CENPV: variants seen among roughly 807,000 people sequenced by gnomAD.
The protein encoded by CENPV is nuclear protein p30.
In CENPV, 15 loss-of-function variants were observed where a neutral mutation model predicts 26.4. The observed-to-expected ratio is 0.57, with a 90% CI of 0.38 to 0.88. CENPV has a LOEUF of 0.88. CENPV is among the 40% of genes least tolerant of loss of function. The pLI is 0.00. For synonymous variants in CENPV, 172 were observed against 165.5 expected (o/e 1.04, Z -0.30); for missense variants, 336 against 376.5 (o/e 0.89, Z 0.89).
rs192989444 is a variant in CENPV, at chr17:16,344,232, C to G, written c.694+365G>C. 37 of 161,616 alleles carry G rather than the reference C, an allele frequency of 2.3e-4. 1 individual carries two copies. The East Asian group carries it at 6.0e-3, about 26-fold the overall frequency. 10.0% of individuals were successfully genotyped at this position (161,616 alleles called of 1,614,324 possible). A position where few individuals can be genotyped will look rare whatever the true frequency, so the allele number is the denominator to read the frequency against. ...ATCTTGCCTCCTTCACTCCCTTAAC[C>G]CCTGTCATTATTAAAGCTGCCTCCC... On this transcript the variant is annotated intron_variant, in intron 4 of 4. Coordinates refer to ENST00000299736, the MANE Select transcript of CENPV (RefSeq NM_181716.3).
chr17:16,350,133 T>C, intron 1 of CENPV, 104 bp from the exon 2 acceptor site: 3 of 1,389,852 alleles, frequency 2.2e-6, no homozygotes, highest in African/African-American at 2.9e-5. Flanking sequence ...AAGTCTTTTC[T>C]ACATGACAAC....
Position 16,353,038 on chromosome 17 carries a change from C to T in CENPV, c.399G>A (p.Leu133=), listed in dbSNP as rs760385714. 1 of 1,576,256 alleles carries T rather than the reference C, an allele frequency of 6.3e-7. No homozygotes were observed. Among genetic ancestry groups the T allele is most frequent in the African/African-American group, 1.4e-5 (1 of 71,176 alleles). The change falls in exon 1 of 5, where the codon CTG becomes CTA. Residue 133 remains leucine (L), a synonymous_variant. Transcript: ENST00000299736. ...KLTSEGAAKL[L]LDTFEYQGLV... is the part of the protein sequence containing the mutation. ...CCCGCCGCACTCACAAGGTGTCTAG[C>T]AGGAGCTTGGCGGCACCCTCGGAGG... is the stretch of plus-strand genomic sequence containing the variant.
rs1354618092 is a variant in CENPV, at chr17:16,342,555, TA to T, written c.*261del. 45 of 550,938 alleles carry T rather than the reference TA, an allele frequency of 8.2e-5. No homozygotes were observed. Among genetic ancestry groups the T allele is most frequent in the South Asian group, 7.2e-4 (26 of 36,026 alleles). The allele number at this position is 550,938 out of a possible 1,614,324, so 34.1% of individuals were successfully genotyped here. A position where few individuals can be genotyped will look rare whatever the true frequency, so the allele number is the denominator to read the frequency against. On this transcript the variant is annotated 3_prime_UTR_variant, in exon 5 of 5. Coordinates refer to ENST00000299736, the MANE Select transcript of CENPV (RefSeq NM_181716.3). ...TGACTGCTTTAATGTTAAAAATATT[TA>T]TTTTTTTTCCTAAAAGATCACACAA...
chr17:16,353,297 C>G lies in CENPV; in HGVS notation c.140G>C (p.Gly47Ala). Residue 47 changes from glycine to alanine, a missense_variant, in exon 1 of 5, where the codon GGG (glycine) becomes GCG (alanine). Coordinates refer to ENST00000299736, the MANE Select transcript of CENPV (RefSeq NM_181716.3). ...TRTRRSASQA[G>A]SKSQAVEKPP... is the part of the protein sequence containing the mutation. ...CTTCTCCACCGCCTGGCTCTTGCTCCCGGCCTGGCTAGCGGAGCGCCGTGT... is the reference window on the plus strand; with the variant it reads ...CTTCTCCACCGCCTGGCTCTTGCTCGCGGCCTGGCTAGCGGAGCGCCGTGT... The G allele has an allele frequency of 7.1e-7, 1 of 1,417,614 alleles. No individual in the cohort carries two copies. The highest frequency in any genetic ancestry group is 9.2e-7 in the Non-Finnish European group (1 of 1,085,604). 87.8% of individuals were successfully genotyped at this position (1,417,614 alleles called of 1,614,324 possible). A position where few individuals can be genotyped will look rare whatever the true frequency, so the allele number is the denominator to read the frequency against.
At chr17:16,351,503 G>C (rs900778971) in intron 1 of CENPV, 5 of 152,036 alleles carry the variant, frequency 3.3e-5, no homozygotes, top group Admixed American at 6.6e-5. Flanking sequence ...AATGCTTATT[G>C]TAAAAACTCC....
chr17:16,344,478 T>A (rs2093196273), intron 4 of CENPV, 119 bp downstream of exon 4: 1 of 486,714 alleles, frequency 2.1e-6, no homozygotes, highest in African/African-American at 2.0e-5. Context: ...CCTGTTCCTC[T>A]AAGATACGCA....
At chr17:16,353,004 G>GC in intron 1 of CENPV, 23 bp downstream of exon 1, 4 of 1,527,066 alleles carry the variant, frequency 2.6e-6, no homozygotes, top group Admixed American at 4.1e-5. Context: ...CGGCTCCCGC[G>GC]CCCCCCGGCC....
At position 16,350,017 on chromosome 17, in the gene CENPV, G is replaced by T. The variant is rs140754338; in HGVS notation, c.423C>A (p.Gly141=). 3 of 1,613,026 alleles carry T rather than the reference G, an allele frequency of 1.9e-6. No individual in the cohort carries two copies. Among genetic ancestry groups the T allele is most frequent in the Admixed American group, 3.3e-5 (2 of 59,828 alleles). ...GGCAGCCTCCTGTGTGCTTCACCAG[G>T]CCCTGGTATTCACTAAATGAAACAA... The part of the protein sequence containing the change: ...KLLLDTFEYQ[G]LVKHTGGCHC... The change falls in exon 2 of 5, where the codon GGC becomes GGA. Residue 141 remains glycine (G), a synonymous_variant. Transcript: ENST00000299736.
chr17:16,343,451 G>A (rs142737240), intron 4 of CENPV, among the ~76,000 whole-genome samples: 2,776 of 152,156 alleles, frequency 0.018, 71 homozygotes, highest in African/African-American at 0.063. Context: ...TCCTGCCTCA[G>A]CCTCCCAAGT....
At chr17:16,351,343 C>T (rs1443035319) in intron 1 of CENPV, 1 of 152,090 alleles carries the variant, frequency 6.6e-6, no homozygotes, top group African/African-American at 2.4e-5. Flanking sequence ...CACCCTTACC[C>T]GATAAATAAA....
chr17:16,353,464 C>T lies in CENPV; in HGVS notation c.-28G>A. ...CTCCCGCAGCCTGGCGCGCAGGCCT[C>T]GCAGCGCGGCGCGCCCCCGCCGGCC... On this transcript the variant is annotated 5_prime_UTR_variant, in exon 1 of 5. Coordinates refer to ENST00000299736, the MANE Select transcript of CENPV (RefSeq NM_181716.3). The T allele has an allele frequency of 1.9e-6, 2 of 1,042,740 alleles. No individual in the cohort carries two copies. The highest frequency in any genetic ancestry group is 2.3e-6 in the Non-Finnish European group (2 of 869,606). The allele number at this position is 1,042,740 out of a possible 1,614,324, so 64.6% of individuals were successfully genotyped here. A position where few individuals can be genotyped will look rare whatever the true frequency, so the allele number is the denominator to read the frequency against.
At chr17:16,343,306 G>C (rs1250926482) in intron 4 of CENPV, among the ~76,000 whole-genome samples, 2 of 152,186 alleles carry the variant, frequency 1.3e-5, no homozygotes, top group Non-Finnish European at 2.9e-5. Flanking sequence ...AGAATTCACA[G>C]GCCTTTCCTG....
At position 16,353,420 on chromosome 17, in the gene CENPV, C is replaced by G. The variant is rs1248685432; in HGVS notation, c.17G>C (p.Ser6Thr). 3.4e-6 allele frequency: 4 copies of G among 1,167,464 alleles called. No homozygotes were observed. Among genetic ancestry groups the G allele is most frequent in the Admixed American group, 4.7e-5 (1 of 21,186 alleles). The allele number at this position is 1,167,464 out of a possible 1,614,324, so 72.3% of individuals were successfully genotyped here. MRRSRSSAAAKLRGQK... is the reference protein window; with the variant it reads MRRSRTSAAAKLRGQK... ...CCCGCGCAGCTTGGCGGCCGCAGAG[C>G]TCCTCGATCGCCGCATGGCTCCCGC... Residue 6 changes from serine to threonine, a missense_variant, in exon 1 of 5, where the codon AGC becomes ACC. Physicochemically the swap from Ser to Thr is moderately conservative, Grantham distance 58. Around this residue, in one of 2 missense-constraint regions of CENPV, gnomAD observed 181 missense variants for 148.8 expected, o/e 1.22. Transcript: ENST00000299736.
chr17:16,349,886 C>G, intron 2 of CENPV, 45 bp downstream of exon 2: 1 of 1,601,910 alleles, frequency 6.2e-7, no homozygotes, highest in Non-Finnish European at 8.5e-7. Flanking sequence ...TGCATTTTAA[C>G]TCTGAAATTC....
intron 3 of CENPV, among the ~76,000 whole-genome samples, chr17:16,346,171 T>C (rs1191901795): frequency 6.6e-6 from 1 of 152,188 alleles, no homozygotes; most frequent in Non-Finnish European, 1.5e-5. Context: ...ATTGGTACAA[T>C]TTAGCAACAT....
chr17:16,353,194 A>T lies in CENPV; in HGVS notation c.243T>A (p.Pro81=). 1 of 1,372,092 alleles carries T rather than the reference A, an allele frequency of 7.3e-7. No individual in the cohort carries two copies. 85.0% of individuals were successfully genotyped at this position (1,372,092 alleles called of 1,614,324 possible). ...QEEGPGEPPP[P]ELALLPPPPP... ...GCGGTGGCGGGAGCAACGCCAGCTCAGGCGGCGGCGGCTCCCCCGGGCCCT... is the reference window on the plus strand; with the variant it reads ...GCGGTGGCGGGAGCAACGCCAGCTCTGGCGGCGGCGGCTCCCCCGGGCCCT... Residue 81 remains proline, a synonymous_variant, in exon 1 of 5, where the codon CCT becomes CCA. Transcript: ENST00000299736.
Position 16,344,632 on chromosome 17 carries a change from C to G in CENPV, c.659G>C (p.Ser220Thr). 6.3e-7 allele frequency: 1 copy of G among 1,599,166 alleles called. No individual in the cohort carries two copies. Among genetic ancestry groups the G allele is most frequent in the Non-Finnish European group, 8.5e-7 (1 of 1,173,912 alleles). The part of the protein sequence containing the change: ...HTFCKRCGVQ[S>T]FYTPRSNPGG... The stretch of plus-strand genomic sequence containing the variant: ...GGGGTTTGATCGTGGAGTATAGAAG[C>G]TCTGAACGCCACATCTCTTACAGAA... Residue 220 changes from serine (S) to threonine (T), a missense_variant, in exon 4 of 5, where the codon AGC becomes ACC. By Grantham distance (58) the Ser-to-Thr change is moderately conservative. Transcript: ENST00000299736.
chr17:16,344,207 A>G (rs1313383768), intron 4 of CENPV: 1 of 155,306 alleles, frequency 6.4e-6, no homozygotes, highest in African/African-American at 2.4e-5. Flanking sequence ...ATGCTCCCCA[A>G]TCTTGCCTCC....
rs994422556 is a variant in CENPV, at chr17:16,348,876, G to T, written c.510-191C>A. On this transcript the variant is annotated intron_variant, in intron 2 of 4. Transcript: ENST00000299736. ...TGCAGGTACAGCAGAGCCCAGGGGGGTCCCAAGTCAGCAGTCGAGGTTCTG... is the reference window on the plus strand; with the variant it reads ...TGCAGGTACAGCAGAGCCCAGGGGGTTCCCAAGTCAGCAGTCGAGGTTCTG... The T allele has an allele frequency of 6.5e-6, 9 of 1,381,340 alleles. No homozygotes were observed. The Admixed American group carries it at 2.3e-4, about 36-fold the overall frequency. The allele number at this position is 1,381,340 out of a possible 1,614,324, so 85.6% of individuals were successfully genotyped here. A position where few individuals can be genotyped will look rare whatever the true frequency, so the allele number is the denominator to read the frequency against.
Sources: gnomAD v4.1 joint callset for allele counts (sites outside exome capture counted in the v4.1 genomes callset) on GRCh38, gnomAD v4.1.1 for gene constraint, gnomAD v4.1.1 regional missense constraint, MANE v1.5 for transcripts, NCBI Gene and HGNC (gene_info 2026-07-23, HGNC 2026-07-21) for gene names.